Variants in B4GALT5 observed in about 807,000 individuals in gnomAD.
B4GALT5 encodes the protein UDP-Gal:beta-GlcNAc beta-1,4-galactosyltransferase 5.
Under a neutral mutation model 45.0 loss-of-function variants are expected in B4GALT5, and 11 were observed. The ratio of observed to expected loss-of-function variants is 0.24; its 90% confidence interval spans 0.15 to 0.40. The LOEUF (loss-of-function observed/expected upper bound fraction) is 0.40. Ranked by LOEUF, B4GALT5 falls within the 10% of genes least tolerant of loss-of-function variation. The pLI, the probability that B4GALT5 is intolerant of heterozygous loss-of-function variation, is 1.00. For synonymous variants in B4GALT5, 185 were observed against 182.9 expected (o/e 1.01, Z -0.09); for missense variants, 337 against 500.2 (o/e 0.67, Z 3.11).
In B4GALT5 at chr20:49,637,511, A is replaced by C. The variant is rs2085559199; in HGVS notation, c.918-69T>G. The stretch of plus-strand genomic sequence containing the variant: ...AGCCCAGGAGTGACCAAAGCCTACA[A>C]GACATGTTACAAGCTTACCCTGGAA... On this transcript the variant is annotated intron_variant, in intron 7 of 8. Coordinates refer to ENST00000371711, the MANE Select transcript of B4GALT5 (RefSeq NM_004776.4). 4 of 1,153,446 alleles carry C rather than the reference A, an allele frequency of 3.5e-6. No homozygotes were observed. In the East Asian group the frequency reaches 9.4e-5, roughly 27 times the overall value. 71.5% of individuals were successfully genotyped at this position (1,153,446 alleles called of 1,614,324 possible). A position where few individuals can be genotyped will look rare whatever the true frequency, so the allele number is the denominator to read the frequency against.
At chr20:49,695,094 GTTCT>G (rs888547689) in intron 1 of B4GALT5, among the ~76,000 whole-genome samples, 7 of 144,246 alleles carry the variant, frequency 4.9e-5, no homozygotes, top group Admixed American at 2.7e-4. Flanking sequence ...TTTTCATTAG[GTTCT>G]TTTTTTTTTT....
intron 1 of B4GALT5, among the ~76,000 whole-genome samples, chr20:49,710,484 A>C (rs2085904077): frequency 6.7e-6 from 1 of 150,068 alleles, no homozygotes; most frequent in African/African-American, 2.5e-5. Flanking sequence ...CAATGGCGCA[A>C]TCTCGGCTCA....
chr20:49,643,732 C>G, intron 3 of B4GALT5, 82 bp from the exon 4 acceptor site: 1 of 1,448,972 alleles, frequency 6.9e-7, no homozygotes, highest in Non-Finnish European at 9.3e-7. Context: ...CTCTGGAGAG[C>G]GCAATGCTTT....
At chr20:49,698,515 C>G (rs940567883) in intron 1 of B4GALT5, among the ~76,000 whole-genome samples, 1 of 151,998 alleles carries the variant, frequency 6.6e-6, no homozygotes, top group Non-Finnish European at 1.5e-5. Context: ...TACTTTAAAC[C>G]AGAATGAAAA....
chr20:49,669,891 C>G (rs200893287), intron 1 of B4GALT5, among the ~76,000 whole-genome samples: 1 of 151,772 alleles, frequency 6.6e-6, no homozygotes, highest in Non-Finnish European at 1.5e-5. Flanking sequence ...GGTATAAACC[C>G]TTTGGGAAAA....
chr20:49,671,283 G>T (rs2085714791), intron 1 of B4GALT5, among the ~76,000 whole-genome samples: 1 of 152,148 alleles, frequency 6.6e-6, no homozygotes, highest in Non-Finnish European at 1.5e-5. Context: ...GGAGGCTGAG[G>T]TGGATCACTT....
chr20:49,641,277 C>T (rs2085576180), intron 5 of B4GALT5, among the ~76,000 whole-genome samples: 1 of 152,258 alleles, frequency 6.6e-6, no homozygotes, highest in Admixed American at 6.5e-5. Flanking sequence ...AGGGAAGAGA[C>T]AACACTACCA....
chr20:49,705,413 C>T (rs1568736266), intron 1 of B4GALT5, among the ~76,000 whole-genome samples: 1 of 152,184 alleles, frequency 6.6e-6, no homozygotes, highest in Non-Finnish European at 1.5e-5. Context: ...TTTTCCCTCC[C>T]TTCCTTAGTG....
At chr20:49,680,412 AAAACTTAAAAAATTT>A (rs2085759199) in intron 1 of B4GALT5, among the ~76,000 whole-genome samples, 1 of 152,254 alleles carries the variant, frequency 6.6e-6, no homozygotes, top group Non-Finnish European at 1.5e-5. Context: ...TAGCAAAATT[AAAACTTAAAAAATTT>A]AAACTTAAAA....
At chr20:49,672,174 T>G (rs2085718788) in intron 1 of B4GALT5, among the ~76,000 whole-genome samples, 1 of 152,196 alleles carries the variant, frequency 6.6e-6, no homozygotes, top group Admixed American at 6.5e-5. Flanking sequence ...TCATGTCCTA[T>G]GGGGATAATA....
intron 1 of B4GALT5, among the ~76,000 whole-genome samples, chr20:49,678,690 CTTAATCAATATTAAGGG>C: frequency 6.6e-6 from 1 of 152,292 alleles, no homozygotes; most frequent in East Asian, 1.9e-4. Context: ...TAACACAAGC[CTTAATCAATATTAAGGG>C]TTAAAAGGTT....
intron 1 of B4GALT5, among the ~76,000 whole-genome samples, chr20:49,680,657 T>C (rs903406482): frequency 6.6e-6 from 1 of 152,158 alleles, no homozygotes; most frequent in Non-Finnish European, 1.5e-5. Flanking sequence ...GGGACTAATT[T>C]TTAATAGGTG....
chr20:49,659,011 A>G lies in B4GALT5; in HGVS notation c.116-2309T>C, dbSNP rs577800936. On this transcript the variant is annotated intron_variant, in intron 1 of 8. Coordinates refer to ENST00000371711, the MANE Select transcript of B4GALT5 (RefSeq NM_004776.4). ...CTTCAGTTTCTCCAAGTATCTTCAC[A>G]AAGGTCAACTGAGAGCACTAGAATT... 2.6e-5 allele frequency among the ~76,000 whole-genome samples: 4 copies of G among 152,334 alleles called. No individual in the cohort carries two copies. The East Asian group carries it at 5.8e-4, about 22-fold the overall frequency.
At chr20:49,638,321 C>T (rs563281833) in intron 7 of B4GALT5, among the ~76,000 whole-genome samples, 1 of 152,268 alleles carries the variant, frequency 6.6e-6, no homozygotes, top group East Asian at 1.9e-4. Flanking sequence ...CTCAGCCTAT[C>T]ATTTGAATTT....
chr20:49,700,723 G>A (rs1170876313), intron 1 of B4GALT5, among the ~76,000 whole-genome samples: 2 of 152,240 alleles, frequency 1.3e-5, no homozygotes, highest in Non-Finnish European at 2.9e-5. Flanking sequence ...TGTATACAGC[G>A]TGGGTATGCT....
rs1219181634 is a variant in B4GALT5, at chr20:49,663,690, A to AATATATATAT, written c.116-6989_116-6988insATATATATAT. Among the ~76,000 whole-genome samples the AATATATATAT allele has an allele frequency of 1.0e-4, 10 of 96,944 alleles. 2 individuals carry two copies. Among genetic ancestry groups the AATATATATAT allele is most frequent in the African/African-American group, 4.5e-4 (10 of 22,434 alleles). The allele number at this position is 96,944 out of a possible 152,430, so 63.6% of individuals were successfully genotyped here. ...TTCATCTCAAGAAAAAAAAAAAAAA[A>AATATATATAT]ATATATACATATATATATATATATA... On this transcript the variant is annotated intron_variant, in intron 1 of 8. Coordinates refer to ENST00000371711, the MANE Select transcript of B4GALT5 (RefSeq NM_004776.4).
intron 4 of B4GALT5, among the ~76,000 whole-genome samples, chr20:49,643,107 T>C (rs1032504971): frequency 6.6e-6 from 1 of 152,228 alleles, no homozygotes; most frequent in Non-Finnish European, 1.5e-5. Flanking sequence ...AAACTACTGA[T>C]GTCTTCTGAC....
intron 1 of B4GALT5, among the ~76,000 whole-genome samples, chr20:49,709,544 G>A (rs1168366778): frequency 1.3e-5 from 2 of 152,132 alleles, no homozygotes; most frequent in South Asian, 2.1e-4. Context: ...GACTGAGGTG[G>A]GTGGATCACT....
chr20:49,699,454 C>A (rs148219093), intron 1 of B4GALT5, among the ~76,000 whole-genome samples: 336 of 150,568 alleles, frequency 2.2e-3, no homozygotes, highest in Non-Finnish European at 4.1e-3. Context: ...CTGCATCGGA[C>A]ATGATTAATC....
Sources: allele counts gnomAD v4.1 joint callset (sites outside exome capture counted in the v4.1 genomes callset), GRCh38; gene constraint gnomAD v4.1.1; transcripts MANE v1.5; gene names NCBI Gene and HGNC (gene_info 2026-07-23, HGNC 2026-07-21).